The following GASK1B variants were observed in gnomAD, a reference collection of about 807,000 sequenced individuals.
GASK1B encodes the protein golgi associated kinase 1B.
Under a neutral mutation model 42.8 loss-of-function variants are expected in GASK1B, and 34 were observed. That is an observed-to-expected ratio of 0.79 (90% confidence interval 0.60 to 1.06). The LOEUF (loss-of-function observed/expected upper bound fraction) is 1.06. Ranked by LOEUF, GASK1B falls within the 50% of genes least tolerant of loss-of-function variation. The probability of loss-of-function intolerance (pLI) is 0.00; values close to 1 mark genes in which losing one functional copy is unlikely to be tolerated. For synonymous variants in GASK1B, 262 were observed against 259.1 expected (o/e 1.01, Z -0.11); for missense variants, 686 against 661.0 (o/e 1.04, Z -0.42).
At chr4:158,129,804 C>T (rs987562261) in intron 4 of GASK1B, among the ~76,000 whole-genome samples, 4 of 152,184 alleles carry the variant, frequency 2.6e-5, no homozygotes, top group East Asian at 1.9e-4. Flanking sequence ...GGTCTCCACC[C>T]TACCGCAGTC....
chr4:158,135,623 A>G (rs1730858809), intron 3 of GASK1B, among the ~76,000 whole-genome samples: 1 of 151,926 alleles, frequency 6.6e-6, no homozygotes, highest in Non-Finnish European at 1.5e-5. Context: ...CAGTCCAGGT[A>G]TCTACAGCTT....
At chr4:158,143,306 A>G (rs192779065) in intron 3 of GASK1B, among the ~76,000 whole-genome samples, 1 of 152,324 alleles carries the variant, frequency 6.6e-6, no homozygotes, top group African/African-American at 2.4e-5. Flanking sequence ...CTTCTTTTGC[A>G]TATGTTTAAT....
chr4:158,165,523 C>A (rs1468605174), intron 2 of GASK1B, among the ~76,000 whole-genome samples: 2 of 151,986 alleles, frequency 1.3e-5, no homozygotes, highest in Non-Finnish European at 2.9e-5. Context: ...ATTAAAAAAA[C>A]TTGTAGCAGT....
chr4:158,170,187 A>C, intron 2 of GASK1B: 1 of 1,570,368 alleles, frequency 6.4e-7, no homozygotes, highest in South Asian at 1.2e-5. Context: ...TAGATTTAAT[A>C]AGCCACTGGG....
chr4:158,158,347 T>C (rs1315893147), intron 2 of GASK1B, among the ~76,000 whole-genome samples: 2 of 152,076 alleles, frequency 1.3e-5, no homozygotes, highest in Non-Finnish European at 2.9e-5. Context: ...ACCTTTACCA[T>C]TTCTTGAGCA....
intron 4 of GASK1B, among the ~76,000 whole-genome samples, chr4:158,128,660 A>G (rs535404155): frequency 2.6e-5 from 4 of 152,350 alleles, no homozygotes; most frequent in East Asian, 1.9e-4. Flanking sequence ...CCAAATTTCA[A>G]TGGAGCACAA....
chr4:158,144,885 G>A (rs1390077474), intron 3 of GASK1B, among the ~76,000 whole-genome samples: 1 of 152,164 alleles, frequency 6.6e-6, no homozygotes, highest in East Asian at 1.9e-4. Context: ...GCAGTATTCT[G>A]ATTCAGCAAA....
chr4:158,129,355 C>T (rs963372862), intron 4 of GASK1B, among the ~76,000 whole-genome samples: 29 of 152,176 alleles, frequency 1.9e-4, no homozygotes, highest in African/African-American at 6.7e-4. Flanking sequence ...GTAAATTTTC[C>T]GATACATAAA....
At chr4:158,150,532 G>A (rs1205405667) in intron 3 of GASK1B, among the ~76,000 whole-genome samples, 1 of 152,114 alleles carries the variant, frequency 6.6e-6, no homozygotes, top group Non-Finnish European at 1.5e-5. Flanking sequence ...ATTTGTCTCT[G>A]ACCCAGGAGT....
chr4:158,145,582 GT>G (rs1731299482), intron 3 of GASK1B, among the ~76,000 whole-genome samples: 1 of 151,924 alleles, frequency 6.6e-6, no homozygotes, highest in Admixed American at 6.6e-5. Flanking sequence ...ATTTCTGCAG[GT>G]TTTTCCATTT....
rs199881611 is a variant in GASK1B, at chr4:158,170,570, T to C, written c.806A>G (p.Lys269Arg). ...RCGPSPCGLL[K>R]QPLDMSEVFA... is the part of the protein sequence containing the mutation. ...CACCTCACTCATGTCCAAGGGCTGC[T>C]TGAGAAGCCCACAGGGGCTAGGGCC... Residue 269 changes from lysine to arginine, a missense_variant, in exon 2 of 5, where the codon AAG becomes AGG. Lys to Arg is a conservative substitution (Grantham distance 26). Coordinates refer to ENST00000585682, the MANE Select transcript of GASK1B (RefSeq NM_001128424.2). 285 of 1,614,042 alleles carry C rather than the reference T, an allele frequency of 1.8e-4. No individual in the cohort carries two copies. Among genetic ancestry groups the C allele is most frequent in the Non-Finnish European group, 2.0e-4 (237 of 1,180,048 alleles).
chr4:158,157,389 C>T (rs190341385), intron 2 of GASK1B, among the ~76,000 whole-genome samples: 34 of 152,184 alleles, frequency 2.2e-4, no homozygotes, highest in Admixed American at 8.5e-4. Flanking sequence ...GCCTAATTAT[C>T]TTCTTAGATA....
chr4:158,141,597 CTTTT>C lies in GASK1B; in HGVS notation c.1126-10589_1126-10586del, dbSNP rs199530247. ...CATAGGTCAGTGCCTTTGTATTTAC[CTTTT>C]TTTTTTTTTTTTTTTTTTTTTTTGA... On this transcript the variant is annotated intron_variant, in intron 3 of 4. Coordinates refer to ENST00000585682, the MANE Select transcript of GASK1B (RefSeq NM_001128424.2). 9.9e-4 allele frequency among the ~76,000 whole-genome samples: 112 copies of C among 113,652 alleles called. 12 individuals carry two copies. The highest frequency in any genetic ancestry group is 6.0e-3 in the Middle Eastern group (1 of 166). The allele number at this position is 113,652 out of a possible 152,430, so 74.6% of individuals were successfully genotyped here. A position where few individuals can be genotyped will look rare whatever the true frequency, so the allele number is the denominator to read the frequency against.
At position 158,144,226 on chromosome 4, in the gene GASK1B, G is replaced by T. The variant is rs151321195; in HGVS notation, c.1125+11385C>A. ...AAGCAGTACTGAGAAGAATAAGATT[G>T]TAACGCTGCCAGATAATTTGGAAAG... On this transcript the variant is annotated intron_variant, in intron 3 of 4. Coordinates refer to ENST00000585682, the MANE Select transcript of GASK1B (RefSeq NM_001128424.2). 2.0e-5 allele frequency among the ~76,000 whole-genome samples: 3 copies of T among 152,268 alleles called. No individual in the cohort carries two copies. In the East Asian group the frequency reaches 5.8e-4, roughly 29 times the overall value.
At chr4:158,151,813 A>G (rs1731568818) in intron 3 of GASK1B, among the ~76,000 whole-genome samples, 1 of 152,234 alleles carries the variant, frequency 6.6e-6, no homozygotes, top group African/African-American at 2.4e-5. Context: ...GTGATGGTTA[A>G]TGTTGAATGT....
chr4:158,142,418 A>T (rs1731172816), intron 3 of GASK1B, among the ~76,000 whole-genome samples: 1 of 152,204 alleles, frequency 6.6e-6, no homozygotes, highest in African/African-American at 2.4e-5. Context: ...CACACACCTT[A>T]TGAGGAACCA....
Position 158,171,159 on chromosome 4 carries a change from T to C in GASK1B, c.217A>G (p.Ser73Gly). ...AAGGATGGCTCGGCGGTGTCGCGGC[T>C]GCGATGTGGCCCCTTCTCAGCCGCC... ...GQAAEKGPHR[S>G]RDTAEPSFPE... Residue 73 changes from serine to glycine, a missense_variant, in exon 2 of 5, where the codon AGC becomes GGC. Transcript: ENST00000585682. 6.2e-7 allele frequency: 1 copy of C among 1,609,034 alleles called. No homozygotes were observed. The highest frequency in any genetic ancestry group is 1.3e-5 in the African/African-American group (1 of 74,942).
intron 3 of GASK1B, among the ~76,000 whole-genome samples, chr4:158,137,864 A>G (rs1294065989): frequency 6.6e-6 from 1 of 152,226 alleles, no homozygotes; most frequent in Non-Finnish European, 1.5e-5. Flanking sequence ...AGAGCAGTTG[A>G]TGAATGAAGA....
rs550875663 is a variant in GASK1B, at chr4:158,169,971, G to A, written c.910+495C>T. 3.5e-4 allele frequency: 157 copies of A among 443,174 alleles called. 1 individual carries two copies. Among genetic ancestry groups the A allele is most frequent in the South Asian group, 3.3e-3 (75 of 23,038 alleles). 27.5% of individuals were successfully genotyped at this position (443,174 alleles called of 1,614,324 possible). On this transcript the variant is annotated intron_variant, in intron 2 of 4. Coordinates refer to ENST00000585682, the MANE Select transcript of GASK1B (RefSeq NM_001128424.2). Reference sequence around the variant, plus strand: ...AGGTTAAATCCATTGAAAAAAAAAGGGGGGGTTAAACCTAACATGGTCTGG... The same window carrying A: ...AGGTTAAATCCATTGAAAAAAAAAGAGGGGGTTAAACCTAACATGGTCTGG...
Sources: allele counts gnomAD v4.1 joint callset (sites outside exome capture counted in the v4.1 genomes callset), GRCh38; gene constraint gnomAD v4.1.1; transcripts MANE v1.5; gene names NCBI Gene and HGNC (gene_info 2026-07-23, HGNC 2026-07-21).